Variants in VAMP4 observed in about 807,000 individuals in gnomAD.
VAMP4 encodes the protein vesicle-associated membrane protein 4.
A neutral mutation model predicts 23.5 loss-of-function variants in VAMP4; 19 were observed. The observed-to-expected ratio is 0.81, with a 90% CI of 0.56 to 1.19. VAMP4 has a LOEUF of 1.19. VAMP4 is among the 50% of genes most tolerant of loss of function. The probability of loss-of-function intolerance (pLI) is 0.00; values close to 1 mark genes in which losing one functional copy is unlikely to be tolerated. For missense variants in VAMP4, 145 were observed against 168.6 expected, an observed-to-expected ratio of 0.86 and a Z score of 0.78; for synonymous variants, 31 against 51.0, an observed-to-expected ratio of 0.61 and a Z score of 1.67.
chr1:171,704,187 T>C lies in VAMP4; in HGVS notation c.*319A>G, dbSNP rs1246933747. The C allele has an allele frequency of 5.5e-6, 1 of 181,058 alleles. No individual in the cohort carries two copies. Among genetic ancestry groups the C allele is most frequent in the Non-Finnish European group, 1.2e-5 (1 of 86,870 alleles). The allele number at this position is 181,058 out of a possible 1,614,324, so 11.2% of individuals were successfully genotyped here. A position where few individuals can be genotyped will look rare whatever the true frequency, so the allele number is the denominator to read the frequency against. ...TGCAAGTCCTTATGCCATTAAAATA[T>C]TAATATGAAATATTATAATCAGTGT... On this transcript the variant is annotated 3_prime_UTR_variant, in exon 8 of 8. Coordinates refer to ENST00000236192, the MANE Select transcript of VAMP4 (RefSeq NM_003762.5).
At chr1:171,724,947 T>C (rs1024070497) in intron 3 of VAMP4, among the ~76,000 whole-genome samples, 8 of 152,120 alleles carry the variant, frequency 5.3e-5, no homozygotes, top group African/African-American at 1.9e-4. Context: ...ATATATAACA[T>C]ATATTTACTA....
At chr1:171,726,416 A>G (rs1204313708) in intron 3 of VAMP4, among the ~76,000 whole-genome samples, 1 of 152,180 alleles carries the variant, frequency 6.6e-6, no homozygotes, top group East Asian at 1.9e-4. Flanking sequence ...TTCTACATCA[A>G]TCCCCAGAGA....
chr1:171,741,415 C>A (rs1655921137), intron 1 of VAMP4, among the ~76,000 whole-genome samples: 1 of 151,998 alleles, frequency 6.6e-6, no homozygotes, highest in South Asian at 2.1e-4. Context: ...TAACGATTCA[C>A]CCCCACCTTC....
chr1:171,709,025 C>G (rs150321975), intron 6 of VAMP4, among the ~76,000 whole-genome samples: 1 of 150,418 alleles, frequency 6.6e-6, no homozygotes, highest in Non-Finnish European at 1.5e-5. Flanking sequence ...GCTCATATAA[C>G]GTGAAAAACA....
At chr1:171,704,606 T>G in intron 7 of VAMP4, 72 bp from the exon 8 acceptor site, 1 of 1,222,854 alleles carries the variant, frequency 8.2e-7, no homozygotes, top group Non-Finnish European at 1.1e-6. Flanking sequence ...GCAATATTCC[T>G]AAATGTAGTT....
chr1:171,722,341 A>C (rs751957639), intron 3 of VAMP4, among the ~76,000 whole-genome samples: 36 of 152,250 alleles, frequency 2.4e-4, no homozygotes, highest in Admixed American at 5.2e-4. Flanking sequence ...GGACATAGGC[A>C]TGGGCAAGGA....
Position 171,737,788 on chromosome 1 carries a change from G to C in VAMP4, c.66+561C>G, listed in dbSNP as rs186534172. ...CATTCAAAGTTCTGAATAAGATATT[G>C]TGTATTTGTATAAAACTCCCTTTCA... On this transcript the variant is annotated intron_variant, in intron 2 of 7. Coordinates refer to ENST00000236192, the MANE Select transcript of VAMP4 (RefSeq NM_003762.5). Among the ~76,000 whole-genome samples the C allele has an allele frequency of 3.5e-4, 54 of 152,240 alleles. No individual in the cohort carries two copies. The East Asian group carries it at 0.01, about 29-fold the overall frequency.
chr1:171,705,630 A>C (rs1654624185), intron 7 of VAMP4, among the ~76,000 whole-genome samples: 1 of 152,122 alleles, frequency 6.6e-6, no homozygotes, highest in African/African-American at 2.4e-5. Context: ...GGATTTGCAA[A>C]CACGGAATCT....
intron 3 of VAMP4, among the ~76,000 whole-genome samples, chr1:171,722,680 G>A (rs1027078162): frequency 8.5e-5 from 13 of 152,178 alleles, no homozygotes; most frequent in Non-Finnish European, 1.8e-4. Context: ...GACCATCAGA[G>A]AAATGCAAAT....
chr1:171,717,790 G>A (rs1159026344), intron 4 of VAMP4, among the ~76,000 whole-genome samples: 6 of 152,096 alleles, frequency 3.9e-5, no homozygotes, highest in South Asian at 2.1e-4. Flanking sequence ...GACCCTGAGA[G>A]CTACTAACTT....
intron 3 of VAMP4, among the ~76,000 whole-genome samples, chr1:171,725,561 A>G (rs1198495137): frequency 1.3e-5 from 2 of 152,200 alleles, no homozygotes; most frequent in Admixed American, 1.3e-4. Flanking sequence ...ACTCTATAGC[A>G]ATCTTGTCAC....
chr1:171,709,721 C>A lies in VAMP4; in HGVS notation c.289G>T (p.Ala97Ser). 6.2e-7 allele frequency: 1 copy of A among 1,613,126 alleles called. No homozygotes were observed. Among genetic ancestry groups the A allele is most frequent in the South Asian group, 1.1e-5 (1 of 91,076 alleles). ...AGTTGTTTGGATCTGTTGCTAAAAG[C>A]TGTTGCATTATCCGATAAGCTTTCT... ...KSESLSDNAT[A>S]FSNRSKQLRR... is the part of the protein sequence containing the mutation. Residue 97 changes from alanine (A) to serine (S), a missense_variant, in exon 6 of 8, where the codon GCT becomes TCT. Physicochemically the swap from Ala to Ser is moderately conservative, Grantham distance 99 (BLOSUM62 1). Transcript: ENST00000236192.
intron 3 of VAMP4, among the ~76,000 whole-genome samples, chr1:171,725,250 G>A (rs1329995161): frequency 6.6e-6 from 1 of 152,134 alleles, no homozygotes; most frequent in Non-Finnish European, 1.5e-5. Context: ...TTTAGCATAT[G>A]TCAGAATTTC....
At chr1:171,729,344 G>C (rs777735189) in intron 2 of VAMP4, among the ~76,000 whole-genome samples, 8 of 152,120 alleles carry the variant, frequency 5.3e-5, no homozygotes, top group African/African-American at 1.9e-4. Context: ...GGATGGGACC[G>C]AAGTCTCAAC....
chr1:171,707,024 A>C (rs1002310534), intron 6 of VAMP4, among the ~76,000 whole-genome samples: 3 of 152,146 alleles, frequency 2.0e-5, no homozygotes, highest in African/African-American at 7.2e-5. Flanking sequence ...ATCAATTTTA[A>C]AACACCTCAA....
At chr1:171,711,068 C>T (rs1390287398) in intron 4 of VAMP4, among the ~76,000 whole-genome samples, 1 of 152,078 alleles carries the variant, frequency 6.6e-6, no homozygotes, top group Non-Finnish European at 1.5e-5. Flanking sequence ...ACTTGTAACT[C>T]ATAAGCAAGT....
intron 5 of VAMP4, among the ~76,000 whole-genome samples, chr1:171,710,477 C>T (rs1373587627): frequency 1.3e-5 from 2 of 152,050 alleles, no homozygotes; most frequent in Admixed American, 1.3e-4. Flanking sequence ...AACAGCTCTA[C>T]TCTTCACTCT....
At chr1:171,727,000 G>A (rs1655392280) in intron 3 of VAMP4, among the ~76,000 whole-genome samples, 1 of 152,122 alleles carries the variant, frequency 6.6e-6, no homozygotes, top group African/African-American at 2.4e-5. Flanking sequence ...GGAAGGCTGA[G>A]GTGGGAGGAT....
Position 171,703,651 on chromosome 1 carries a change from T to C in VAMP4, c.*855A>G, listed in dbSNP as rs1654549040. 6.6e-6 allele frequency: 1 copy of C among 151,904 alleles called. No individual in the cohort carries two copies. Among genetic ancestry groups the C allele is most frequent in the Admixed American group, 6.6e-5 (1 of 15,134 alleles). 9.4% of individuals were successfully genotyped at this position (151,904 alleles called of 1,614,324 possible). A position where few individuals can be genotyped will look rare whatever the true frequency, so the allele number is the denominator to read the frequency against. Reference sequence around the variant, plus strand: ...GAGATAGTTGGAAGTTAGAGGCTATTAACTAAAATAAAATTAAGGAGTAAG... The same window carrying C: ...GAGATAGTTGGAAGTTAGAGGCTATCAACTAAAATAAAATTAAGGAGTAAG... On this transcript the variant is annotated 3_prime_UTR_variant, in exon 8 of 8. Coordinates refer to ENST00000236192, the MANE Select transcript of VAMP4 (RefSeq NM_003762.5).
Sources: allele counts gnomAD v4.1 joint callset (sites outside exome capture counted in the v4.1 genomes callset), GRCh38; gene constraint gnomAD v4.1.1; transcripts MANE v1.5; gene names NCBI Gene and HGNC (gene_info 2026-07-23, HGNC 2026-07-21).